The following SUSD6 variants were observed in gnomAD, a reference collection of about 807,000 sequenced individuals.
The protein encoded by SUSD6 is sushi domain-containing protein 6.
In SUSD6, 16 loss-of-function variants were observed where a neutral mutation model predicts 28.4. The ratio of observed to expected loss-of-function variants is 0.56; its 90% CI spans 0.38 to 0.86. SUSD6 has a LOEUF of 0.86. Ranked by LOEUF, SUSD6 falls within the 40% of genes least tolerant of loss-of-function variation. The pLI, the probability that SUSD6 is intolerant of heterozygous loss-of-function variation, is 0.00. For missense variants in SUSD6, 341 were observed against 384.2 expected (o/e 0.89, Z 0.94); for synonymous variants, 147 against 159.6 (o/e 0.92, Z 0.59).
chr14:69,638,423 AGTGTGTGT>A lies in SUSD6; in HGVS notation c.-80-20061_-80-20054del, dbSNP rs10637124. Among the ~76,000 whole-genome samples, 547 of 139,244 alleles carry A rather than the reference AGTGTGTGT, an allele frequency of 3.9e-3. 1 individual carries two copies. The highest frequency in any genetic ancestry group is 0.012 in the African/African-American group (445 of 36,704). 91.3% of individuals were successfully genotyped at this position (139,244 alleles called of 152,430 possible). On this transcript the variant is annotated intron_variant, in intron 1 of 5. Coordinates refer to ENST00000342745, the MANE Select transcript of SUSD6 (RefSeq NM_014734.4). Reference sequence around the variant, plus strand: ...GGTTCTGAACTGGGGTGGGGTGGGGAGTGTGTGTGTGTGTGTGTGTGTGTGTGTGTGTG... The same window carrying A: ...GGTTCTGAACTGGGGTGGGGTGGGGAGTGTGTGTGTGTGTGTGTGTGTGTG...
intron 2 of SUSD6, among the ~76,000 whole-genome samples, chr14:69,685,288 GT>G (rs1347170058): frequency 1.3e-5 from 2 of 152,224 alleles, no homozygotes; most frequent in African/African-American, 4.8e-5. Flanking sequence ...CACATTGATT[GT>G]TTCCCATAGG....
intron 1 of SUSD6, among the ~76,000 whole-genome samples, chr14:69,630,951 T>C (rs965717617): frequency 2.0e-5 from 3 of 152,232 alleles, no homozygotes; most frequent in African/African-American, 7.2e-5. Flanking sequence ...CTTGTTTTAC[T>C]CCACTCCATT....
intron 2 of SUSD6, among the ~76,000 whole-genome samples, chr14:69,683,210 C>G (rs1886024182): frequency 6.6e-6 from 1 of 152,024 alleles, no homozygotes; most frequent in South Asian, 2.1e-4. Flanking sequence ...GGAGGAGAGG[C>G]TCCCTGGGAA....
chr14:69,657,795 C>T lies in SUSD6; in HGVS notation c.-80-718C>T, dbSNP rs57684824. ...GCTCTGATACACACACTCTTTCTCA[C>T]TCTCTCTCTGTCTCTCTACTGGTTC... On this transcript the variant is annotated intron_variant, in intron 1 of 5. Coordinates refer to ENST00000342745, the MANE Select transcript of SUSD6 (RefSeq NM_014734.4). Among the ~76,000 whole-genome samples the T allele has an allele frequency of 3.4e-3, 522 of 152,252 alleles. 1 individual carries two copies. Among genetic ancestry groups the T allele is most frequent in the African/African-American group, 0.012 (491 of 41,544 alleles).
chr14:69,711,098 T>G lies in SUSD6; in HGVS notation c.*119T>G. ...ACCTGGATACCTGAGCTGCCACCTGTGTATCTGTGTATCTCTGAGGGCCCT... is the reference window on the plus strand; with the variant it reads ...ACCTGGATACCTGAGCTGCCACCTGGGTATCTGTGTATCTCTGAGGGCCCT... On this transcript the variant is annotated 3_prime_UTR_variant, in exon 6 of 6. Transcript: ENST00000342745. 1.0e-6 allele frequency: 1 copy of G among 966,858 alleles called. No individual in the cohort carries two copies. The highest frequency in any genetic ancestry group is 1.7e-6 in the Non-Finnish European group (1 of 602,882). 59.9% of individuals were successfully genotyped at this position (966,858 alleles called of 1,614,324 possible).
intron 2 of SUSD6, among the ~76,000 whole-genome samples, chr14:69,683,674 A>C (rs746824087): frequency 7.9e-5 from 12 of 152,226 alleles, no homozygotes; most frequent in Non-Finnish European, 1.5e-4. Flanking sequence ...GGAACAAGCC[A>C]AAGTGTGGAG....
chr14:69,623,097 A>G (rs886456219), intron 1 of SUSD6, among the ~76,000 whole-genome samples: 2 of 152,164 alleles, frequency 1.3e-5, no homozygotes, highest in African/African-American at 4.8e-5. Context: ...GAAACCTCCT[A>G]GGATTGCAGA....
At chr14:69,620,687 A>G (rs1256589988) in intron 1 of SUSD6, among the ~76,000 whole-genome samples, 2 of 152,226 alleles carry the variant, frequency 1.3e-5, no homozygotes, top group African/African-American at 4.8e-5. Context: ...TAGTCTCCCC[A>G]TTAAATAAAT....
chr14:69,618,464 C>T (rs763319768), intron 1 of SUSD6, among the ~76,000 whole-genome samples: 8 of 152,222 alleles, frequency 5.3e-5, no homozygotes, highest in Non-Finnish European at 7.3e-5. Flanking sequence ...TTTCCCTGAT[C>T]GTAGATCCCT....
chr14:69,622,755 G>T (rs1885060017), intron 1 of SUSD6, among the ~76,000 whole-genome samples: 1 of 152,022 alleles, frequency 6.6e-6, no homozygotes, highest in Non-Finnish European at 1.5e-5. Flanking sequence ...CACCACGCCT[G>T]GCTAATTTTT....
intron 1 of SUSD6, among the ~76,000 whole-genome samples, chr14:69,642,806 A>T (rs564177085): frequency 6.6e-6 from 1 of 152,066 alleles, no homozygotes; most frequent in African/African-American, 2.4e-5. Flanking sequence ...CTTCTTTCTG[A>T]TCATTATTTT....
intron 1 of SUSD6, chr14:69,617,399 T>C (rs1046809806): frequency 2.6e-5 from 4 of 152,306 alleles, no homozygotes; most frequent in Admixed American, 1.3e-4. Context: ...AGTAAACTCT[T>C]GATCCTACTG....
intron 2 of SUSD6, among the ~76,000 whole-genome samples, chr14:69,691,585 T>G (rs1886153532): frequency 6.6e-6 from 1 of 152,198 alleles, no homozygotes; most frequent in Non-Finnish European, 1.5e-5. Flanking sequence ...ACCCCCTGTT[T>G]GGGAGTATGT....
At chr14:69,702,622 T>C (rs1886328664) in intron 2 of SUSD6, among the ~76,000 whole-genome samples, 1 of 152,206 alleles carries the variant, frequency 6.6e-6, no homozygotes, top group Non-Finnish European at 1.5e-5. Flanking sequence ...AGAGCAGAGG[T>C]TTAGAATCAG....
At chr14:69,691,689 T>C (rs112945822) in intron 2 of SUSD6, among the ~76,000 whole-genome samples, 4,848 of 152,250 alleles carry the variant, frequency 0.032, 100 homozygotes, top group Middle Eastern at 0.068. Flanking sequence ...TAATTCCAGG[T>C]CACATCCCCA....
chr14:69,648,213 A>G (rs548304250), intron 1 of SUSD6, among the ~76,000 whole-genome samples: 3 of 152,332 alleles, frequency 2.0e-5, no homozygotes, highest in African/African-American at 7.2e-5. Context: ...TGAGATAGGC[A>G]TTATTAAGTA....
intron 1 of SUSD6, among the ~76,000 whole-genome samples, chr14:69,653,365 G>A (rs1364705767): frequency 6.6e-6 from 1 of 152,188 alleles, no homozygotes; most frequent in Non-Finnish European, 1.5e-5. Context: ...CCGGCTATTG[G>A]GGTAAGAGAT....
At chr14:69,706,312 C>G (rs1275173732) in intron 4 of SUSD6, among the ~76,000 whole-genome samples, 3 of 151,712 alleles carry the variant, frequency 2.0e-5, no homozygotes, top group African/African-American at 7.3e-5. Flanking sequence ...AAGTAACTGG[C>G]TAGTTTTGCT....
Position 69,649,574 on chromosome 14 carries a change from G to C in SUSD6, c.-80-8939G>C, listed in dbSNP as rs557712598. ...TTTCTATACAAATTATATCTTGTGA[G>C]TTTATCTTTTTTTCTCATTCACTCG... On this transcript the variant is annotated intron_variant, in intron 1 of 5. Transcript: ENST00000342745. 1.1e-4 allele frequency among the ~76,000 whole-genome samples: 16 copies of C among 152,258 alleles called. No homozygotes were observed. In the East Asian group the frequency reaches 2.9e-3, roughly 27 times the overall value.
Sources: allele counts gnomAD v4.1 joint callset (sites outside exome capture counted in the v4.1 genomes callset), GRCh38; gene constraint gnomAD v4.1.1; transcripts MANE v1.5; gene names NCBI Gene and HGNC (gene_info 2026-07-23, HGNC 2026-07-21).